The following AGXT2 variants were observed in gnomAD, a reference collection of about 807,000 sequenced individuals.
The protein encoded by AGXT2 is alanine--glyoxylate aminotransferase 2.
Under a neutral mutation model 62.5 loss-of-function variants are expected in AGXT2, and 61 were observed. That is an observed-to-expected ratio of 0.98 (90% CI 0.79 to 1.21). AGXT2 has a LOEUF of 1.21. AGXT2 is among the 50% of genes most tolerant of loss of function. The pLI is 0.00. For synonymous variants in AGXT2, 243 were observed against 218.7 expected (o/e 1.11, Z -0.98); for missense variants, 666 against 641.5 (o/e 1.04, Z -0.41).
At chr5:35,010,250 C>G in intron 11 of AGXT2, 101 bp from the exon 12 acceptor site, 3 of 1,418,258 alleles carry the variant, frequency 2.1e-6, no homozygotes, top group South Asian at 2.3e-5. Flanking sequence ...GTAACTTAAC[C>G]AAACAGAATG....
intron 1 of AGXT2, among the ~76,000 whole-genome samples, chr5:35,043,808 A>T (rs1169136924): frequency 6.6e-6 from 1 of 152,108 alleles, no homozygotes; most frequent in Non-Finnish European, 1.5e-5. Flanking sequence ...CTTCTATCTC[A>T]GCCTCCTTAG....
intron 9 of AGXT2, among the ~76,000 whole-genome samples, chr5:35,017,020 T>A (rs188799895): frequency 6.6e-6 from 1 of 152,330 alleles, no homozygotes; most frequent in African/African-American, 2.4e-5. Flanking sequence ...TTCAGTTTTC[T>A]AACTTTAATC....
chr5:35,036,572 G>A (rs1481762426), intron 4 of AGXT2, among the ~76,000 whole-genome samples: 3 of 152,184 alleles, frequency 2.0e-5, no homozygotes, highest in Admixed American at 2.0e-4. Context: ...GCTAAGGAGC[G>A]ATGAGATAAA....
chr5:35,007,256 G>T (rs565184678), intron 12 of AGXT2, among the ~76,000 whole-genome samples: 7 of 152,350 alleles, frequency 4.6e-5, no homozygotes, highest in African/African-American at 1.7e-4. Flanking sequence ...CCTGCACCTT[G>T]TTCTTGGACT....
chr5:35,045,596 A>G (rs981762287), intron 1 of AGXT2, among the ~76,000 whole-genome samples: 3 of 152,158 alleles, frequency 2.0e-5, no homozygotes, highest in Non-Finnish European at 4.4e-5. Flanking sequence ...CAGGTGCTCA[A>G]TAAATGTATG....
chr5:35,016,191 G>T (rs1348873718), intron 9 of AGXT2, among the ~76,000 whole-genome samples: 4 of 152,122 alleles, frequency 2.6e-5, no homozygotes, highest in African/African-American at 9.7e-5. Flanking sequence ...TACATAAATG[G>T]CATAAATGGT....
intron 9 of AGXT2, among the ~76,000 whole-genome samples, chr5:35,014,702 A>G (rs900722601): frequency 1.3e-5 from 2 of 152,182 alleles, no homozygotes; most frequent in South Asian, 2.1e-4. Flanking sequence ...AAATACAACA[A>G]TATGTCACAG....
chr5:35,042,589 A>G (rs1226779674), intron 1 of AGXT2, among the ~76,000 whole-genome samples: 1 of 152,018 alleles, frequency 6.6e-6, no homozygotes, highest in Non-Finnish European at 1.5e-5. Flanking sequence ...TATTTGCCAG[A>G]AAAAAAATGA....
intron 13 of AGXT2, among the ~76,000 whole-genome samples, chr5:34,999,760 C>G (rs190051871): frequency 6.6e-6 from 1 of 152,160 alleles, no homozygotes; most frequent in Non-Finnish European, 1.5e-5. Context: ...AGCTGCCACG[C>G]AAGACAAACT....
chr5:35,035,894 T>A (rs558556437), intron 4 of AGXT2, among the ~76,000 whole-genome samples: 1 of 152,108 alleles, frequency 6.6e-6, no homozygotes, highest in Non-Finnish European at 1.5e-5. Context: ...CTGGCCATCA[T>A]GGTGAAACCC....
rs1478625189 is a variant in AGXT2, at chr5:35,039,447, G to A, written c.239C>T (p.Ala80Val). ...GAGCAGCAGGGGTTTCTGGAAATAT[G>A]CCGTCACCACAGGAGAAAGATGTTC... Reference protein sequence around the residue: ...HKEHLSPVVTAYFQKPLLLHQ... With the variant: ...HKEHLSPVVTVYFQKPLLLHQ... The change falls in exon 3 of 14, where the codon GCA becomes GTA. Residue 80 changes from alanine to valine, a missense_variant. Ala to Val is a moderately conservative substitution (Grantham distance 64). Coordinates refer to ENST00000231420, the MANE Select transcript of AGXT2 (RefSeq NM_031900.4). 1 of 1,614,090 alleles carries A rather than the reference G, an allele frequency of 6.2e-7. No homozygotes were observed. The highest frequency in any genetic ancestry group is 2.2e-5 in the East Asian group (1 of 44,874).
At chr5:35,009,760 T>C (rs1347791581) in intron 12 of AGXT2, among the ~76,000 whole-genome samples, 1 of 152,212 alleles carries the variant, frequency 6.6e-6, no homozygotes, top group Non-Finnish European at 1.5e-5. Flanking sequence ...TTGCCTAGGA[T>C]GGCAAGGATA....
At chr5:35,033,828 A>C (rs1767670187) in intron 5 of AGXT2, among the ~76,000 whole-genome samples, 1 of 152,216 alleles carries the variant, frequency 6.6e-6, no homozygotes, top group Admixed American at 6.5e-5. Flanking sequence ...ATTATTCCAT[A>C]GTAATGAGAC....
intron 13 of AGXT2, among the ~76,000 whole-genome samples, chr5:34,999,955 ACC>A (rs1215419043): frequency 6.6e-6 from 1 of 151,946 alleles, no homozygotes; most frequent in Non-Finnish European, 1.5e-5. Flanking sequence ...AGCTCTCATA[ACC>A]CCAATCTAGA....
At position 35,039,318 on chromosome 5, in the gene AGXT2, A is replaced by T. The variant is rs756171671; in HGVS notation, c.362+6T>A. The T allele has an allele frequency of 6.2e-7, 1 of 1,613,682 alleles. No individual in the cohort carries two copies. Among genetic ancestry groups the T allele is most frequent in the South Asian group, 1.1e-5 (1 of 91,072 alleles). On this transcript the variant is annotated splice_donor_region_variant and intron_variant, in intron 3 of 13. Coordinates refer to ENST00000231420, the MANE Select transcript of AGXT2 (RefSeq NM_031900.4). ...ATAAAAATCTCCAGATTTTAAGGAT[A>T]CTCACGGGTGGCAATGGCCAACACT... is the stretch of plus-strand genomic sequence containing the variant.
chr5:35,030,775 G>C lies in AGXT2; in HGVS notation c.769+1957C>G, dbSNP rs1767534478. 3.3e-5 allele frequency among the ~76,000 whole-genome samples: 5 copies of C among 152,318 alleles called. No individual in the cohort carries two copies. The South Asian group carries it at 6.2e-4, about 19-fold the overall frequency. ...CACCTTTTAGTGCTTCCGTCTACTA[G>C]GCTCTGTGCTGGTGGTTTTGCAGTC... On this transcript the variant is annotated intron_variant, in intron 7 of 13. Transcript: ENST00000231420.
chr5:35,020,163 A>C (rs1276698581), intron 9 of AGXT2, among the ~76,000 whole-genome samples: 1 of 152,332 alleles, frequency 6.6e-6, no homozygotes, highest in East Asian at 1.9e-4. Context: ...AACTGGTACC[A>C]TTCCTTCTGA....
intron 9 of AGXT2, among the ~76,000 whole-genome samples, chr5:35,014,942 T>G (rs1445812594): frequency 6.6e-6 from 1 of 152,134 alleles, no homozygotes; most frequent in Non-Finnish European, 1.5e-5. Context: ...CTGAGAACTG[T>G]ATCATGAGGA....
intron 9 of AGXT2, among the ~76,000 whole-genome samples, chr5:35,023,758 C>T (rs1003975049): frequency 6.6e-6 from 1 of 152,234 alleles, no homozygotes; most frequent in Non-Finnish European, 1.5e-5. Flanking sequence ...GCCTGTGGTA[C>T]ACCAGGGACA....
Sources: gnomAD v4.1 joint callset for allele counts (sites outside exome capture counted in the v4.1 genomes callset) on GRCh38, gnomAD v4.1.1 for gene constraint, MANE v1.5 for transcripts, NCBI Gene and HGNC (gene_info 2026-07-23, HGNC 2026-07-21) for gene names.